Variants in CBR4 observed in about 807,000 individuals in gnomAD.
The protein encoded by CBR4 is carbonyl reductase 4, also known as 3-oxoacyl-[acyl-carrier-protein] reductase.
A neutral mutation model predicts 21.0 loss-of-function variants in CBR4; 22 were observed. The observed-to-expected ratio is 1.05, with a 90% CI of 0.75 to 1.50. CBR4 has a LOEUF of 1.50. Among genes scored for constraint, CBR4 ranks in the 40% most tolerant of loss-of-function variants. The pLI, the probability that CBR4 is intolerant of heterozygous loss-of-function variation, is 0.00. For synonymous variants in CBR4, 100 were observed against 104.4 expected (o/e 0.96, Z 0.26); for missense variants, 302 against 286.3 (o/e 1.05, Z -0.40).
chr4:168,974,990 CA>C (rs1246121751), intron 2 of CBR4, among the ~76,000 whole-genome samples: 1 of 152,138 alleles, frequency 6.6e-6, no homozygotes, highest in Non-Finnish European at 1.5e-5. Flanking sequence ...CTTGTTTTGT[CA>C]TATTACCAGA....
Position 168,928,868 on chromosome 4 carries a change from G to A in CBR4, n.170-34103C>T, listed in dbSNP as rs139408009. ...AAAGGCCCAGTCCCTTTTAAATTAC[G>A]TCAGGCCCATCCAGATAATCTCCCT... On this transcript the variant is annotated intron_variant and non_coding_transcript_variant, in intron 2 of 3. Coordinates refer to the CBR4 transcript ENST00000509108. Among the ~76,000 whole-genome samples the A allele has an allele frequency of 5.3e-3, 805 of 152,134 alleles. 4 individuals carry two copies. Among genetic ancestry groups the A allele is most frequent in the African/African-American group, 0.018 (742 of 41,456 alleles).
intron 2 of CBR4, chr4:168,924,213 T>C (rs756040484): frequency 1.1e-5 from 17 of 1,564,026 alleles, no homozygotes; most frequent in Non-Finnish European, 1.5e-5. Context: ...TAGTGCTCCT[T>C]TTGTATATCA....
rs557606243 is a variant in CBR4, at chr4:169,010,032, G to C, written c.58C>G (p.Gln20Glu). The C allele has an allele frequency of 1.2e-6, 2 of 1,613,924 alleles. No individual in the cohort carries two copies. The highest frequency in any genetic ancestry group is 3.3e-5 in the Admixed American group (2 of 59,986). ...GSRGIGRAVA[Q>E]LMARKGYRLA... The stretch of plus-strand genomic sequence containing the variant: ...CGGTAGCCTTTCCGGGCCATTAACT[G>C]GGCCACAGCTCTGCCAATGCCTCGG... Residue 20 changes from glutamine (Q) to glutamate (E), a missense_variant, in exon 1 of 5, where the codon CAG (glutamine) becomes GAG (glutamate). By Grantham distance (29) the Gln-to-Glu change is conservative (BLOSUM62 2). Coordinates refer to ENST00000306193, the MANE Select transcript of CBR4 (RefSeq NM_032783.5).
chr4:168,911,745 T>A (rs1212972664), intron 2 of CBR4, among the ~76,000 whole-genome samples: 1 of 152,240 alleles, frequency 6.6e-6, no homozygotes, highest in East Asian at 1.9e-4. Context: ...AAGTGGCCTG[T>A]GCTTCAGGTA....
intron 2 of CBR4, among the ~76,000 whole-genome samples, chr4:168,923,037 A>T (rs923062463): frequency 6.6e-6 from 1 of 152,274 alleles, no homozygotes; most frequent in Non-Finnish European, 1.5e-5. Flanking sequence ...GGATTAAATC[A>T]TAAAAATGTG....
Position 168,940,188 on chromosome 4 carries a change from G to A in CBR4, n.170-45423C>T, listed in dbSNP as rs55994233. On this transcript the variant is annotated intron_variant and non_coding_transcript_variant, in intron 2 of 3. Coordinates refer to the CBR4 transcript ENST00000509108. ...AAACCTGACTAAAACAAACAATGGG[G>A]AAAGAATTCCTTATTTAATACATGC... Among the ~76,000 whole-genome samples the A allele has an allele frequency of 7.4e-3, 1,122 of 152,284 alleles. 6 individuals are homozygous for A. The highest frequency in any genetic ancestry group is 0.013 in the Non-Finnish European group (891 of 68,024).
downstream of CBR4, among the ~76,000 whole-genome samples, chr4:168,987,106 C>T (rs1159808901): frequency 7.9e-5 from 12 of 152,110 alleles, no homozygotes; most frequent in Admixed American, 7.9e-4. Flanking sequence ...GATACCATCT[C>T]CATTTGGATT....
Position 169,010,107 on chromosome 4 carries a change from G to T in CBR4, c.-18C>A, listed in dbSNP as rs1417099267. ...TTGTCCATCTCGGAGTCACAAACTC[G>T]GAGGAAAGAGGGTAGGGAGTGGGAG... On this transcript the variant is annotated 5_prime_UTR_variant, in exon 1 of 5. Coordinates refer to ENST00000306193, the MANE Select transcript of CBR4 (RefSeq NM_032783.5). The T allele has an allele frequency of 1.2e-6, 2 of 1,601,600 alleles. No individual in the cohort carries two copies. Among genetic ancestry groups the T allele is most frequent in the Non-Finnish European group, 1.7e-6 (2 of 1,173,738 alleles).
intron 4 of CBR4, among the ~76,000 whole-genome samples, chr4:168,996,530 ACTCTT>A (rs1765211585): frequency 6.6e-6 from 1 of 151,378 alleles, no homozygotes; most frequent in Admixed American, 6.6e-5. Flanking sequence ...ATTAGGGTTC[ACTCTT>A]TATTTTATAT....
intron 2 of CBR4, among the ~76,000 whole-genome samples, chr4:168,918,912 C>T (rs1338428900): frequency 3.3e-5 from 5 of 151,826 alleles, no homozygotes; most frequent in South Asian, 2.1e-4. Flanking sequence ...ATTAATTTTA[C>T]GTGTAAAATG....
chr4:168,971,328 G>T (rs917357307), intron 2 of CBR4, among the ~76,000 whole-genome samples: 3 of 151,946 alleles, frequency 2.0e-5, no homozygotes, highest in African/African-American at 7.3e-5. Flanking sequence ...GAGTGCAGTG[G>T]TGCAACCCTG....
chr4:168,923,635 T>C (rs548054625), intron 2 of CBR4, among the ~76,000 whole-genome samples: 3 of 152,300 alleles, frequency 2.0e-5, no homozygotes, highest in Non-Finnish European at 2.9e-5. Flanking sequence ...AAAGCTTTTT[T>C]ATAACCTTCA....
intron 2 of CBR4, among the ~76,000 whole-genome samples, chr4:168,950,490 T>C (rs938353065): frequency 2.0e-5 from 3 of 152,218 alleles, no homozygotes; most frequent in Admixed American, 6.5e-5. Context: ...CTTGAATTTA[T>C]TATGGCTCGT....
intron 2 of CBR4, among the ~76,000 whole-genome samples, chr4:168,953,125 G>T (rs1236715057): frequency 6.6e-6 from 1 of 152,176 alleles, no homozygotes; most frequent in South Asian, 2.1e-4. Context: ...AGGTTCCCAG[G>T]TCAATGGAGT....
At chr4:169,004,070 G>C (rs1730689493) in intron 3 of CBR4, among the ~76,000 whole-genome samples, 1 of 151,300 alleles carries the variant, frequency 6.6e-6, no homozygotes, top group Admixed American at 6.6e-5. Flanking sequence ...CATTGTGCAC[G>C]GTACCCTAAA....
At position 168,988,547 on chromosome 4, in the gene CBR4, T is replaced by C. The variant is rs1045165496; in HGVS notation, c.*1603A>G. 1 of 985,298 alleles carries C rather than the reference T, an allele frequency of 1.0e-6. No homozygotes were observed. Among genetic ancestry groups the C allele is most frequent in the African/African-American group, 1.7e-5 (1 of 57,242 alleles). The allele number at this position is 985,298 out of a possible 1,614,324, so 61.0% of individuals were successfully genotyped here. A position where few individuals can be genotyped will look rare whatever the true frequency, so the allele number is the denominator to read the frequency against. On this transcript the variant is annotated 3_prime_UTR_variant, in exon 5 of 5. Coordinates refer to ENST00000306193, the MANE Select transcript of CBR4 (RefSeq NM_032783.5). ...AGCATTAGAGAAACTATCTACTATGTCTGAATAAGCTCCCCTACCTTACAA... is the reference window on the plus strand; with the variant it reads ...AGCATTAGAGAAACTATCTACTATGCCTGAATAAGCTCCCCTACCTTACAA...
intron 4 of CBR4, among the ~76,000 whole-genome samples, chr4:168,997,956 T>C (rs978177554): frequency 6.6e-6 from 1 of 152,150 alleles, no homozygotes; most frequent in Admixed American, 6.5e-5. Context: ...CAAATTTCTA[T>C]GTCTTAATAT....
intron 3 of CBR4, among the ~76,000 whole-genome samples, chr4:169,002,695 T>C (rs1186378718): frequency 6.6e-6 from 1 of 152,090 alleles, no homozygotes; most frequent in Non-Finnish European, 1.5e-5. Context: ...ATTACATGCA[T>C]AACTCATTTT....
In CBR4 at chr4:169,009,936, T is replaced by C; in HGVS notation, c.142+12A>G. On this transcript the variant is annotated intron_variant, in intron 1 of 4. Transcript: ENST00000306193. Reference sequence around the variant, plus strand: ...CGGCCATACAACTGGACAACTCCAGTTTGGTACCTACCGCCGAGGTCACCG... The same window carrying C: ...CGGCCATACAACTGGACAACTCCAGCTTGGTACCTACCGCCGAGGTCACCG... 3 of 1,607,880 alleles carry C rather than the reference T, an allele frequency of 1.9e-6. No individual in the cohort carries two copies. Among genetic ancestry groups the C allele is most frequent in the South Asian group, 2.2e-5 (2 of 90,248 alleles).
Sources: allele counts gnomAD v4.1 joint callset (sites outside exome capture counted in the v4.1 genomes callset), GRCh38; gene constraint gnomAD v4.1.1; transcripts MANE v1.5; gene names NCBI Gene and HGNC (gene_info 2026-07-23, HGNC 2026-07-21).